Variants in RSU1 observed in about 807,000 individuals in gnomAD.
The protein encoded by RSU1 is Ras suppressor protein 1, also known as rsu-1.
Under a neutral mutation model 31.1 loss-of-function variants are expected in RSU1, and 26 were observed. The ratio of observed to expected loss-of-function variants is 0.84; its 90% CI spans 0.61 to 1.16. The LOEUF (loss-of-function observed/expected upper bound fraction) is 1.16, where lower values mean the gene tolerates loss of function less well. Ranked by LOEUF, RSU1 falls within the 50% of genes most tolerant of loss-of-function variation. RSU1 has a pLI of 0.00. For synonymous variants in RSU1, 164 were observed against 136.3 expected (o/e 1.20, Z -1.41); for missense variants, 320 against 339.1 (o/e 0.94, Z 0.44).
intron 2 of RSU1, among the ~76,000 whole-genome samples, chr10:16,816,698 CTG>C (rs1363446480): frequency 6.6e-6 from 1 of 152,242 alleles, no homozygotes; most frequent in Non-Finnish European, 1.5e-5. Context: ...ATTAAGCAAA[CTG>C]TGGAAAATCC....
chr10:16,626,514 C>G (rs1004999993), intron 8 of RSU1, among the ~76,000 whole-genome samples: 4 of 152,286 alleles, frequency 2.6e-5, no homozygotes, highest in South Asian at 4.1e-4. Context: ...ATCCAGTAAG[C>G]CTACTCGGGC....
chr10:16,742,605 G>A (rs1173610972), intron 7 of RSU1, among the ~76,000 whole-genome samples: 2 of 150,120 alleles, frequency 1.3e-5, no homozygotes, highest in Admixed American at 1.3e-4. Context: ...CATGCCTCTG[G>A]AATTTAAAAA....
At chr10:16,764,262 C>T in intron 4 of RSU1, 128 bp downstream of exon 4, 1 of 1,174,220 alleles carries the variant, frequency 8.5e-7, no homozygotes, top group Non-Finnish European at 1.1e-6. Context: ...TTTTAAGACC[C>T]AAAACATAAA....
chr10:16,663,562 C>T (rs1834926937), intron 8 of RSU1, among the ~76,000 whole-genome samples: 1 of 152,184 alleles, frequency 6.6e-6, no homozygotes, highest in African/African-American at 2.4e-5. Context: ...TGCCATTATA[C>T]AGTGCAGGAG....
intron 8 of RSU1, among the ~76,000 whole-genome samples, chr10:16,645,716 A>C (rs1432519029): frequency 6.6e-6 from 1 of 151,362 alleles, no homozygotes; most frequent in Non-Finnish European, 1.5e-5. Flanking sequence ...CTGAGGCAGG[A>C]GAATCACTTG....
At chr10:16,738,583 A>G (rs1836685045) in intron 7 of RSU1, among the ~76,000 whole-genome samples, 1 of 152,236 alleles carries the variant, frequency 6.6e-6, no homozygotes, top group South Asian at 2.1e-4. Context: ...AAAATAACTC[A>G]GTGAAACTAC....
At chr10:16,600,341 A>T (rs1305763485) in intron 8 of RSU1, among the ~76,000 whole-genome samples, 2 of 152,034 alleles carry the variant, frequency 1.3e-5, no homozygotes, top group Non-Finnish European at 1.5e-5. Context: ...GATCCTGGAG[A>T]CTGCCTGGGT....
At chr10:16,792,921 G>A (rs185572365) in intron 2 of RSU1, among the ~76,000 whole-genome samples, 1 of 152,350 alleles carries the variant, frequency 6.6e-6, no homozygotes, top group Admixed American at 6.5e-5. Context: ...CTTGAGCTCT[G>A]CATCTCCGTG....
At chr10:16,770,518 A>G (rs113550053) in intron 3 of RSU1, among the ~76,000 whole-genome samples, 1,811 of 152,252 alleles carry the variant, frequency 0.012, 31 homozygotes, top group African/African-American at 0.041. Context: ...ACTTCTGGGG[A>G]GTTGGGGGCT....
intron 7 of RSU1, among the ~76,000 whole-genome samples, chr10:16,718,704 G>A (rs72774627): frequency 0.054 from 8,172 of 152,142 alleles, 362 homozygotes; most frequent in African/African-American, 0.13. Flanking sequence ...GTGGTGGCCC[G>A]GCATGGTGGC....
intron 8 of RSU1, among the ~76,000 whole-genome samples, chr10:16,596,704 T>C (rs550419740): frequency 3.3e-5 from 5 of 152,304 alleles, no homozygotes; most frequent in South Asian, 2.1e-4. Flanking sequence ...TATTCAAAGA[T>C]AGTTTCAAAC....
intron 3 of RSU1, among the ~76,000 whole-genome samples, chr10:16,772,780 A>G (rs1425891616): frequency 1.3e-5 from 2 of 152,112 alleles, no homozygotes; most frequent in South Asian, 2.1e-4. Flanking sequence ...ATATGGATGT[A>G]TATCTACACA....
At chr10:16,616,005 G>C (rs2131472738) in intron 8 of RSU1, among the ~76,000 whole-genome samples, 1 of 152,114 alleles carries the variant, frequency 6.6e-6, no homozygotes, top group Non-Finnish European at 1.5e-5. Flanking sequence ...GCTAGCAGAA[G>C]ACAAGAAATA....
At chr10:16,763,523 G>A (rs1837250399) in intron 4 of RSU1, among the ~76,000 whole-genome samples, 1 of 152,182 alleles carries the variant, frequency 6.6e-6, no homozygotes, top group African/African-American at 2.4e-5. Context: ...CCATTCAGGA[G>A]AGCTCCGCCC....
chr10:16,632,394 G>A (rs1465626960), intron 8 of RSU1, among the ~76,000 whole-genome samples: 2 of 152,082 alleles, frequency 1.3e-5, no homozygotes, highest in Non-Finnish European at 2.9e-5. Flanking sequence ...CTAATTGAAG[G>A]TAACAGATAC....
intron 8 of RSU1, among the ~76,000 whole-genome samples, chr10:16,688,423 G>A (rs978357474): frequency 2.0e-5 from 3 of 152,024 alleles, no homozygotes; most frequent in Non-Finnish European, 2.9e-5. Context: ...TGGCCAACAA[G>A]GCGAAACCCT....
intron 8 of RSU1, among the ~76,000 whole-genome samples, chr10:16,666,466 G>C (rs1000600468): frequency 3.3e-5 from 5 of 152,186 alleles, no homozygotes; most frequent in Admixed American, 3.3e-4. Context: ...AATGGCCAAA[G>C]CTTGAGATGC....
chr10:16,696,178 G>T (rs1011657164), intron 7 of RSU1, among the ~76,000 whole-genome samples: 3 of 152,134 alleles, frequency 2.0e-5, no homozygotes, highest in African/African-American at 7.2e-5. Context: ...CTCATCCATG[G>T]CCTGGTACTG....
intron 7 of RSU1, among the ~76,000 whole-genome samples, chr10:16,717,196 G>A (rs1471307687): frequency 6.6e-6 from 1 of 152,128 alleles, no homozygotes; most frequent in Non-Finnish European, 1.5e-5. Context: ...TTCCCGCTCT[G>A]GGGCTTATAT....
Sources: gnomAD v4.1 joint callset for allele counts (sites outside exome capture counted in the v4.1 genomes callset) on GRCh38, gnomAD v4.1.1 for gene constraint, MANE v1.5 for transcripts, NCBI Gene and HGNC (gene_info 2026-07-23, HGNC 2026-07-21) for gene names.